Variants in TRIO observed in about 807,000 individuals in gnomAD.
TRIO encodes the protein triple functional domain protein.
In TRIO, 58 loss-of-function variants were observed where a neutral mutation model predicts 351.9. The observed-to-expected ratio is 0.16, with a 90% CI of 0.13 to 0.21. The LOEUF is 0.21. Ranked by LOEUF, TRIO falls within the 10% of genes least tolerant of loss-of-function variation. The pLI, the probability that TRIO is intolerant of heterozygous loss-of-function variation, is 1.00. For synonymous variants in TRIO, 1,758 were observed against 1,595.7 expected, an observed-to-expected ratio of 1.10 and a Z score of -2.42; for missense variants, 3,201 against 4,027.8, an observed-to-expected ratio of 0.79 and a Z score of 5.56.
chr5:14,483,335 G>A (rs886240253), intron 46 of TRIO, among the ~76,000 whole-genome samples: 1 of 152,336 alleles, frequency 6.6e-6, no homozygotes, highest in South Asian at 2.1e-4. Context: ...GTAGAGAAGA[G>A]CAGAGGGCAG....
At chr5:14,345,950 T>C (rs1350241007) in intron 11 of TRIO, among the ~76,000 whole-genome samples, 1 of 152,238 alleles carries the variant, frequency 6.6e-6, no homozygotes, top group Admixed American at 6.5e-5. Flanking sequence ...ACCACAAGTC[T>C]TTGGTGAGGA....
chr5:14,271,498 TG>T (rs1420488837), intron 2 of TRIO, among the ~76,000 whole-genome samples: 1 of 152,212 alleles, frequency 6.6e-6, no homozygotes, highest in Non-Finnish European at 1.5e-5. Flanking sequence ...CCCTTGGGCT[TG>T]GGGGCACCTA....
At position 14,157,042 on chromosome 5, in the gene TRIO, G is replaced by A. The variant is rs138052128; in HGVS notation, c.157+13160G>A. ...AATTGCCAAAGAGAAGAAATAAAAA[G>A]GAAAGTGTTGAGCCAGTGAGAATGG... On this transcript the variant is annotated intron_variant, in intron 1 of 56. Coordinates refer to ENST00000344204, the MANE Select transcript of TRIO (RefSeq NM_007118.4). 7.3e-3 allele frequency among the ~76,000 whole-genome samples: 1,112 copies of A among 152,292 alleles called. 9 individuals carry two copies. Among genetic ancestry groups the A allele is most frequent in the African/African-American group, 0.025 (1,040 of 41,572 alleles).
At chr5:14,486,262 C>T (rs1380249634) in intron 47 of TRIO, among the ~76,000 whole-genome samples, 2 of 152,230 alleles carry the variant, frequency 1.3e-5, no homozygotes, top group African/African-American at 4.8e-5. Context: ...TCTATGCCTG[C>T]TCAAGCTCAA....
intron 21 of TRIO, among the ~76,000 whole-genome samples, chr5:14,382,667 C>T (rs1746209720): frequency 6.6e-6 from 1 of 152,244 alleles, no homozygotes; most frequent in African/African-American, 2.4e-5. Flanking sequence ...ACACACCTGG[C>T]TGGACAGTTT....
chr5:14,425,972 T>A (rs1352720834), intron 34 of TRIO, among the ~76,000 whole-genome samples: 1 of 152,232 alleles, frequency 6.6e-6, no homozygotes, highest in Non-Finnish European at 1.5e-5. Context: ...TACTTTTAAT[T>A]TTTTGAGGCT....
intron 1 of TRIO, among the ~76,000 whole-genome samples, chr5:14,209,747 T>G (rs911236468): frequency 6.6e-6 from 1 of 152,232 alleles, no homozygotes; most frequent in African/African-American, 2.4e-5. Context: ...TGCTTTAAAA[T>G]GTACTCTAAG....
Position 14,222,135 on chromosome 5 carries a change from T to C in TRIO, c.158-48690T>C, listed in dbSNP as rs567678813. On this transcript the variant is annotated intron_variant, in intron 1 of 56. Transcript: ENST00000344204. ...AAGGCTCAGATGATGTTAGCACTTT[T>C]TCTTTTCTTTTTTTTTTTTTTAGCA... Among the ~76,000 whole-genome samples, 15 of 118,268 alleles carry C rather than the reference T, an allele frequency of 1.3e-4. No individual in the cohort carries two copies. In the South Asian group the frequency reaches 3.7e-3, roughly 30 times the overall value. 77.6% of individuals were successfully genotyped at this position (118,268 alleles called of 152,430 possible).
At chr5:14,299,342 G>A (rs1737655951) in intron 7 of TRIO, among the ~76,000 whole-genome samples, 1 of 152,170 alleles carries the variant, frequency 6.6e-6, no homozygotes, top group South Asian at 2.1e-4. Flanking sequence ...CTCAGTGCAT[G>A]TACGGTGGCC....
Position 14,465,228 on chromosome 5 carries a change from C to T in TRIO, c.5668-317C>T, listed in dbSNP as rs77909465. ...TAGCCCAGAGCCTTGCCAGCACTTG[C>T]GAAAGTTACGGTTAGAACGTTCCCT... On this transcript the variant is annotated intron_variant, in intron 36 of 56. Transcript: ENST00000344204. Among the ~76,000 whole-genome samples the T allele has an allele frequency of 6.7e-3, 1,024 of 152,162 alleles. 17 individuals carry two copies. Among genetic ancestry groups the T allele is most frequent in the African/African-American group, 0.023 (962 of 41,502 alleles).
At chr5:14,184,987 C>T (rs1790017924) in intron 1 of TRIO, among the ~76,000 whole-genome samples, 1 of 152,194 alleles carries the variant, frequency 6.6e-6, no homozygotes, top group Non-Finnish European at 1.5e-5. Context: ...TCACCAATAC[C>T]TCCTTATTCG....
chr5:14,291,622 C>G (rs975480269), intron 5 of TRIO, among the ~76,000 whole-genome samples: 6 of 151,622 alleles, frequency 4.0e-5, no homozygotes, highest in African/African-American at 1.2e-4. Context: ...AACCCCGTCT[C>G]TACTAAAAAT....
chr5:14,491,902 C>G (rs1159911958), intron 48 of TRIO, among the ~76,000 whole-genome samples: 1 of 152,136 alleles, frequency 6.6e-6, no homozygotes, highest in African/African-American at 2.4e-5. Context: ...TTGAGTCATG[C>G]AAGTTCATAA....
chr5:14,245,454 A>G (rs147507046), intron 1 of TRIO, among the ~76,000 whole-genome samples: 3,409 of 152,316 alleles, frequency 0.022, 42 homozygotes, highest in Non-Finnish European at 0.033. Flanking sequence ...CTCCACTTGT[A>G]GATGAAGAAA....
intron 42 of TRIO, 143 bp from the exon 43 acceptor site, chr5:14,479,776 T>C (rs1048761737): frequency 1.5e-4 from 95 of 622,830 alleles, no homozygotes; most frequent in Non-Finnish European, 2.1e-5. Flanking sequence ...TTCTGTGAAC[T>C]AGCAAAGCTC....
chr5:14,170,291 T>C (rs1386567520), intron 1 of TRIO, among the ~76,000 whole-genome samples: 1 of 152,184 alleles, frequency 6.6e-6, no homozygotes, highest in Non-Finnish European at 1.5e-5. Flanking sequence ...AAAAATTCAA[T>C]GGAGAGATTA....
intron 7 of TRIO, among the ~76,000 whole-genome samples, chr5:14,301,614 C>T (rs1737888622): frequency 6.6e-6 from 1 of 152,126 alleles, no homozygotes; most frequent in South Asian, 2.1e-4. Context: ...AGGGAAGTAC[C>T]AGTCCCCCCT....
At chr5:14,377,404 C>T (rs1177413223) in intron 19 of TRIO, among the ~76,000 whole-genome samples, 1 of 152,042 alleles carries the variant, frequency 6.6e-6, no homozygotes, top group African/African-American at 2.4e-5. Flanking sequence ...TGCCACCATG[C>T]CCTGCTAATT....
At chr5:14,336,160 C>G (rs557592554) in intron 10 of TRIO, among the ~76,000 whole-genome samples, 1 of 152,260 alleles carries the variant, frequency 6.6e-6, no homozygotes, top group East Asian at 1.9e-4. Flanking sequence ...CTGGAACTCT[C>G]TGCTTGGTGA....
Sources: allele counts gnomAD v4.1 joint callset (sites outside exome capture counted in the v4.1 genomes callset), GRCh38; gene constraint gnomAD v4.1.1; transcripts MANE v1.5; gene names NCBI Gene and HGNC (gene_info 2026-07-23, HGNC 2026-07-21).